CTNNA3: variants seen among roughly 807,000 people sequenced by gnomAD.
CTNNA3 encodes catenin alpha 3, also known as catenin alpha-3.
A neutral mutation model predicts 95.7 loss-of-function variants in CTNNA3; 76 were observed. That is an observed-to-expected ratio of 0.79 (90% CI 0.66 to 0.96). CTNNA3 has a LOEUF of 0.96. CTNNA3 is among the 40% of genes least tolerant of loss of function. CTNNA3 has a pLI of 0.00. For missense variants in CTNNA3, 1,191 were observed against 1,089.8 expected, an observed-to-expected ratio of 1.09 and a Z score of -1.31; for synonymous variants, 431 against 374.4, an observed-to-expected ratio of 1.15 and a Z score of -1.74.
chr10:67,018,088 A>G (rs1852774770), intron 7 of CTNNA3, among the ~76,000 whole-genome samples: 1 of 152,100 alleles, frequency 6.6e-6, no homozygotes, highest in South Asian at 2.1e-4. Flanking sequence ...TATATATTAA[A>G]CATATATTTT....
chr10:65,958,987 A>G (rs538144825), intron 17 of CTNNA3, among the ~76,000 whole-genome samples: 16 of 152,328 alleles, frequency 1.1e-4, no homozygotes, highest in Non-Finnish European at 1.6e-4. Flanking sequence ...CCCTGCCCCC[A>G]GAGGTGAAGT....
At chr10:67,732,347 T>C (rs1841280091) in intron 1 of CTNNA3, among the ~76,000 whole-genome samples, 1 of 152,180 alleles carries the variant, frequency 6.6e-6, no homozygotes, top group South Asian at 2.1e-4. Flanking sequence ...GTTAAAATCT[T>C]ATTTGGGCAT....
chr10:67,186,912 A>AAGTAT (rs1184358575), intron 6 of CTNNA3, among the ~76,000 whole-genome samples: 2 of 152,204 alleles, frequency 1.3e-5, no homozygotes, highest in Non-Finnish European at 2.9e-5. Context: ...TTAAAAGAGT[A>AAGTAT]AGTATAGCTA....
intron 13 of CTNNA3, among the ~76,000 whole-genome samples, chr10:66,137,247 A>G (rs1014198150): frequency 1.3e-5 from 2 of 152,180 alleles, no homozygotes; most frequent in African/African-American, 4.8e-5. Flanking sequence ...TGAGGATACA[A>G]TATCAGCTTC....
At chr10:66,711,598 G>C (rs368420511) in intron 9 of CTNNA3, among the ~76,000 whole-genome samples, 1 of 151,928 alleles carries the variant, frequency 6.6e-6, no homozygotes, top group African/African-American at 2.4e-5. Flanking sequence ...ATCCAGGCTG[G>C]AGTGCAATGG....
At chr10:67,739,980 A>T (rs1035178845) in intron 1 of CTNNA3, among the ~76,000 whole-genome samples, 9 of 152,178 alleles carry the variant, frequency 5.9e-5, no homozygotes, top group African/African-American at 2.2e-4. Flanking sequence ...ATGGAACAGA[A>T]CAGAGCCCTC....
intron 10 of CTNNA3, among the ~76,000 whole-genome samples, chr10:66,529,668 C>T (rs562529179): frequency 6.6e-6 from 1 of 152,048 alleles, no homozygotes; most frequent in South Asian, 2.1e-4. Context: ...TTACTGAGGA[C>T]CTGCAATGTG....
intron 7 of CTNNA3, among the ~76,000 whole-genome samples, chr10:66,831,382 T>G (rs1842715564): frequency 6.6e-6 from 1 of 152,176 alleles, no homozygotes; most frequent in African/African-American, 2.4e-5. Context: ...GCTATGCTTT[T>G]TCCCATCTCA....
At chr10:66,371,135 AAATAT>A (rs2092751445) in intron 12 of CTNNA3, among the ~76,000 whole-genome samples, 1 of 152,188 alleles carries the variant, frequency 6.6e-6, no homozygotes, top group Admixed American at 6.6e-5. Flanking sequence ...ATTTAAAACA[AAATAT>A]AAAGTTCAAT....
At chr10:66,555,219 A>G (rs182126496) in intron 10 of CTNNA3, among the ~76,000 whole-genome samples, 391 of 152,240 alleles carry the variant, frequency 2.6e-3, no homozygotes, top group African/African-American at 9.0e-3. Flanking sequence ...AAAACAAAAC[A>G]AAGTTGTGGT....
chr10:67,725,827 T>G (rs1564840747), intron 1 of CTNNA3, among the ~76,000 whole-genome samples: 1 of 149,750 alleles, frequency 6.7e-6, no homozygotes, highest in Admixed American at 6.8e-5. Flanking sequence ...AATCTTGATT[T>G]TTTTAAGTCT....
chr10:66,081,517 CA>C (rs373495923), intron 14 of CTNNA3, among the ~76,000 whole-genome samples: 211 of 150,662 alleles, frequency 1.4e-3, no homozygotes, highest in African/African-American at 4.8e-3. Context: ...CAAAAAAACA[CA>C]AAAAAAACTT....
At chr10:66,069,700 C>T (rs2080391424) in intron 14 of CTNNA3, among the ~76,000 whole-genome samples, 1 of 152,120 alleles carries the variant, frequency 6.6e-6, no homozygotes, top group Non-Finnish European at 1.5e-5. Context: ...TATAATGTTA[C>T]ATTTAGAATA....
chr10:67,548,900 A>C (rs1319562060), intron 3 of CTNNA3, among the ~76,000 whole-genome samples: 1 of 152,102 alleles, frequency 6.6e-6, no homozygotes, highest in African/African-American at 2.4e-5. Context: ...AAAAAAACTT[A>C]CTACTTAATA....
chr10:67,583,263 A>C (rs1842479894), intron 3 of CTNNA3, among the ~76,000 whole-genome samples: 1 of 152,132 alleles, frequency 6.6e-6, no homozygotes, highest in Non-Finnish European at 1.5e-5. Context: ...GCTGGTGACA[A>C]AATCTCTCAG....
At chr10:66,552,910 T>C (rs556396958) in intron 10 of CTNNA3, among the ~76,000 whole-genome samples, 353 of 152,210 alleles carry the variant, frequency 2.3e-3, no homozygotes, top group African/African-American at 8.3e-3. Context: ...AAAAATTCTG[T>C]TCAAAAATCT....
At chr10:67,629,510 A>G (rs1486305475) in intron 2 of CTNNA3, among the ~76,000 whole-genome samples, 1 of 152,222 alleles carries the variant, frequency 6.6e-6, no homozygotes, top group Non-Finnish European at 1.5e-5. Flanking sequence ...AAATGCAGGA[A>G]TGAACAGAAG....
chr10:66,702,527 A>T (rs1016598293), intron 9 of CTNNA3, among the ~76,000 whole-genome samples: 1 of 151,992 alleles, frequency 6.6e-6, no homozygotes, highest in Non-Finnish European at 1.5e-5. Context: ...CAACATGGTG[A>T]AACCCCATCT....
chr10:66,426,501 T>C (rs926725564), intron 11 of CTNNA3, among the ~76,000 whole-genome samples: 1 of 152,068 alleles, frequency 6.6e-6, no homozygotes, highest in Non-Finnish European at 1.5e-5. Context: ...ATGTCTCTAT[T>C]TTGCTTTCAC....
Sources: allele counts gnomAD v4.1 joint callset (sites outside exome capture counted in the v4.1 genomes callset), GRCh38; gene constraint gnomAD v4.1.1; transcripts MANE v1.5; gene names NCBI Gene and HGNC (gene_info 2026-07-23, HGNC 2026-07-21).